The following BUB3 variants were observed in gnomAD, a reference collection of about 807,000 sequenced individuals.
BUB3 encodes BUB3 mitotic checkpoint protein, also known as mitotic checkpoint protein BUB3.
A neutral mutation model predicts 39.9 loss-of-function variants in BUB3; 22 were observed. That is an observed-to-expected ratio of 0.55 (90% CI 0.39 to 0.79). The LOEUF (loss-of-function observed/expected upper bound fraction) is 0.79. BUB3 is among the 30% of genes least tolerant of loss of function. The pLI, the probability that BUB3 is intolerant of heterozygous loss-of-function variation, is 0.00. For missense variants in BUB3, 303 were observed against 415.4 expected (o/e 0.73, Z 2.35); for synonymous variants, 168 against 155.1 (o/e 1.08, Z -0.62).
At chr10:123,154,812 G>T (rs942720353) in intron 1 of BUB3, 106 bp from the exon 2 acceptor site, 2 of 1,230,866 alleles carry the variant, frequency 1.6e-6, no homozygotes, top group African/African-American at 1.5e-5. Flanking sequence ...GTCTCCTCGC[G>T]GTCGTCCTCT....
rs1053658348 is a variant in BUB3 at position 123,163,983 on chromosome 10, A to T, written c.*148A>T. ...AAAATAATGGAAAAGAGGTTTTTGA[A>T]TTTTTTTTTTTAAATAAACACCTTC... On this transcript the variant is annotated 3_prime_UTR_variant, in exon 8 of 8. Transcript: ENST00000368865. 1.7e-6 allele frequency: 2 copies of T among 1,150,716 alleles called. No homozygotes were observed. The highest frequency in any genetic ancestry group is 3.4e-5 in the East Asian group (1 of 29,398). 71.3% of individuals were successfully genotyped at this position (1,150,716 alleles called of 1,614,324 possible).
rs1844506725 is a variant in BUB3 at position 123,167,518 on chromosome 10, C to CT, written c.*3688dup. ...ACTTAAAGCAAGAGCAGGACCACATCTTTTTGTATGCTCTGGCACATGACT... is the reference window on the plus strand; with the variant it reads ...ACTTAAAGCAAGAGCAGGACCACATCTTTTTTGTATGCTCTGGCACATGACT... On this transcript the variant is annotated 3_prime_UTR_variant, in exon 8 of 8. Coordinates refer to ENST00000368865, the MANE Select transcript of BUB3 (RefSeq NM_004725.4). 1 of 152,124 alleles carries CT rather than the reference C, an allele frequency of 6.6e-6. No individual in the cohort carries two copies. The allele number at this position is 152,124 out of a possible 1,614,324, so 9.4% of individuals were successfully genotyped here. A position where few individuals can be genotyped will look rare whatever the true frequency, so the allele number is the denominator to read the frequency against.
Position 123,164,866 on chromosome 10 carries a change from A to G in BUB3, c.*1031A>G. On this transcript the variant is annotated 3_prime_UTR_variant, in exon 8 of 8. Coordinates refer to ENST00000368865, the MANE Select transcript of BUB3 (RefSeq NM_004725.4). ...TTTGTTGTCAAACTTTAAAATTTATATTAATTTGCAAATGTATGTCTCTGA... is the reference window on the plus strand; with the variant it reads ...TTTGTTGTCAAACTTTAAAATTTATGTTAATTTGCAAATGTATGTCTCTGA... 9 of 1,361,606 alleles carry G rather than the reference A, an allele frequency of 6.6e-6. No homozygotes were observed. The highest frequency in any genetic ancestry group is 8.5e-6 in the Non-Finnish European group (9 of 1,058,462). 84.3% of individuals were successfully genotyped at this position (1,361,606 alleles called of 1,614,324 possible). A position where few individuals can be genotyped will look rare whatever the true frequency, so the allele number is the denominator to read the frequency against.
In BUB3 at chr10:123,165,838, G is replaced by C. The variant is rs1844485711; in HGVS notation, c.*2003G>C. 1 of 152,194 alleles carries C rather than the reference G, an allele frequency of 6.6e-6. No individual in the cohort carries two copies. Among genetic ancestry groups the C allele is most frequent in the South Asian group, 2.1e-4 (1 of 4,830 alleles). 9.4% of individuals were successfully genotyped at this position (152,194 alleles called of 1,614,324 possible). ...GGGAAGGTAAATAATGTAATAGCCA[G>C]GGACTGATGGTATTAGTTCTTTAGT... is the stretch of plus-strand genomic sequence containing the variant. On this transcript the variant is annotated 3_prime_UTR_variant, in exon 8 of 8. Transcript: ENST00000368865.
At chr10:123,157,289 T>C (rs1284811720) in intron 3 of BUB3, among the ~76,000 whole-genome samples, 2 of 152,252 alleles carry the variant, frequency 1.3e-5, no homozygotes, top group African/African-American at 2.4e-5. Context: ...TAAATGTTGT[T>C]GATCCAGAAG....
At chr10:123,155,250 TC>T in intron 2 of BUB3, 138 bp downstream of exon 2, 3 of 1,008,324 alleles carry the variant, frequency 3.0e-6, no homozygotes, top group Non-Finnish European at 4.2e-6. Flanking sequence ...TTCAGGAGCA[TC>T]TGCCTTGAAC....
chr10:123,157,558 T>C (rs916841839), intron 3 of BUB3, among the ~76,000 whole-genome samples, 171 bp from the exon 4 acceptor site: 6 of 152,236 alleles, frequency 3.9e-5, no homozygotes, highest in Admixed American at 3.9e-4. Context: ...AACGGATAAC[T>C]TTGTAGTCAT....
At position 123,164,491 on chromosome 10, in the gene BUB3, G is replaced by A; in HGVS notation, c.*656G>A. ...TGTGACTGTAAACAATTATTTATTAGCAAACAATTGATCCCAGAAGGGCAA... is the reference window on the plus strand; with the variant it reads ...TGTGACTGTAAACAATTATTTATTAACAAACAATTGATCCCAGAAGGGCAA... On this transcript the variant is annotated 3_prime_UTR_variant, in exon 8 of 8. Coordinates refer to ENST00000368865, the MANE Select transcript of BUB3 (RefSeq NM_004725.4). 1 of 985,568 alleles carries A rather than the reference G, an allele frequency of 1.0e-6. No homozygotes were observed. Among genetic ancestry groups the A allele is most frequent in the Non-Finnish European group, 1.2e-6 (1 of 830,062 alleles). 61.1% of individuals were successfully genotyped at this position (985,568 alleles called of 1,614,324 possible). A position where few individuals can be genotyped will look rare whatever the true frequency, so the allele number is the denominator to read the frequency against.
Position 123,165,302 on chromosome 10 carries a change from C to A in BUB3, c.*1467C>A, listed in dbSNP as rs927694682. On this transcript the variant is annotated 3_prime_UTR_variant, in exon 8 of 8. Coordinates refer to ENST00000368865, the MANE Select transcript of BUB3 (RefSeq NM_004725.4). ...TTGCTGTATCTGAACAGTTTGAGCTCTTTTTGTAATATACTCTAAACCTGT... is the reference window on the plus strand; with the variant it reads ...TTGCTGTATCTGAACAGTTTGAGCTATTTTTGTAATATACTCTAAACCTGT... The A allele has an allele frequency of 9.3e-6, 4 of 428,854 alleles. No individual in the cohort carries two copies. The highest frequency in any genetic ancestry group is 6.1e-4 in the Middle Eastern group (1 of 1,628). 26.6% of individuals were successfully genotyped at this position (428,854 alleles called of 1,614,324 possible). A position where few individuals can be genotyped will look rare whatever the true frequency, so the allele number is the denominator to read the frequency against.
rs936494359 is a variant in BUB3 at position 123,170,295 on chromosome 10, G to A, written c.*6460G>A. On this transcript the variant is annotated 3_prime_UTR_variant, in exon 8 of 8. Coordinates refer to ENST00000368865, the MANE Select transcript of BUB3 (RefSeq NM_004725.4). ...CATGATGTAGTTCTCAGATATATAC[G>A]GGATTTCTAGTTCTTAAATGCCAGT... is the stretch of plus-strand genomic sequence containing the variant. The A allele has an allele frequency of 1.3e-5, 2 of 151,862 alleles. No homozygotes were observed. Among genetic ancestry groups the A allele is most frequent in the Non-Finnish European group, 2.9e-5 (2 of 67,968 alleles). The allele number at this position is 151,862 out of a possible 1,614,324, so 9.4% of individuals were successfully genotyped here.
intron 4 of BUB3, 107 bp from the exon 5 acceptor site, chr10:123,160,298 AGT>A: frequency 1.0e-6 from 1 of 980,426 alleles, no homozygotes; most frequent in South Asian, 2.2e-5. Context: ...TGGGGAATTC[AGT>A]CAGCTAATTT....
intron 4 of BUB3, among the ~76,000 whole-genome samples, chr10:123,158,903 T>C (rs1844384730): frequency 6.6e-6 from 1 of 152,186 alleles, no homozygotes; most frequent in Non-Finnish European, 1.5e-5. Flanking sequence ...AGCATGACAG[T>C]GGTTTCACTT....
chr10:123,161,081 T>G (rs1844416986), intron 5 of BUB3, among the ~76,000 whole-genome samples: 1 of 152,270 alleles, frequency 6.6e-6, no homozygotes, highest in East Asian at 1.9e-4. Context: ...AGGGCCCCTC[T>G]TATGACTGAC....
chr10:123,154,580 T>G, intron 1 of BUB3, 95 bp downstream of exon 1: 1 of 208,082 alleles, frequency 4.8e-6, no homozygotes, highest in Non-Finnish European at 9.5e-6. Context: ...GGGGATCCCG[T>G]TTCGTTTCTG....
chr10:123,168,724 A>G lies in BUB3; in HGVS notation c.*4889A>G, dbSNP rs967480749. 1.7e-4 allele frequency: 26 copies of G among 151,906 alleles called. No individual in the cohort carries two copies. Among genetic ancestry groups the G allele is most frequent in the African/African-American group, 6.3e-4 (26 of 41,404 alleles). 9.4% of individuals were successfully genotyped at this position (151,906 alleles called of 1,614,324 possible). A position where few individuals can be genotyped will look rare whatever the true frequency, so the allele number is the denominator to read the frequency against. On this transcript the variant is annotated 3_prime_UTR_variant, in exon 8 of 8. Transcript: ENST00000368865. Reference sequence around the variant, plus strand: ...GCCATCACGCCCGGCTAATTTTTGTATTTCTTTTAGTAGAGACCGGGTTTC... The same window carrying G: ...GCCATCACGCCCGGCTAATTTTTGTGTTTCTTTTAGTAGAGACCGGGTTTC...
Position 123,165,478 on chromosome 10 carries a change from A to ACTCT in BUB3, c.*1645_*1648dup, listed in dbSNP as rs752632771. On this transcript the variant is annotated 3_prime_UTR_variant, in exon 8 of 8. Transcript: ENST00000368865. ...GGGATGACATTTTACCTTTAAGTCC[A>ACTCT]CTCTCCCTCGTTTAATTGTCTCCTC... The ACTCT allele has an allele frequency of 6.3e-5, 10 of 158,344 alleles. No homozygotes were observed. The highest frequency in any genetic ancestry group is 1.4e-4 in the Non-Finnish European group (10 of 72,248). The allele number at this position is 158,344 out of a possible 1,614,324, so 9.8% of individuals were successfully genotyped here.
At chr10:123,154,802 G>C in intron 1 of BUB3, 116 bp from the exon 2 acceptor site, 1 of 1,131,440 alleles carries the variant, frequency 8.8e-7, no homozygotes, top group African/African-American at 1.6e-5. Flanking sequence ...CAAGCGCAGA[G>C]TCTCCTCGCG....
At position 123,165,226 on chromosome 10, in the gene BUB3, C is replaced by T. The variant is rs1031266881; in HGVS notation, c.*1391C>T. ...TGTTTAGGATGAGGAGTCTTTGTGT[C>T]CCTGTACAGTAGTCTGACGTATTTC... On this transcript the variant is annotated 3_prime_UTR_variant, in exon 8 of 8. Transcript: ENST00000368865. 52 of 713,262 alleles carry T rather than the reference C, an allele frequency of 7.3e-5. 1 individual carries two copies. The highest frequency in any genetic ancestry group is 1.4e-5 in the Non-Finnish European group (6 of 434,380). The allele number at this position is 713,262 out of a possible 1,614,324, so 44.2% of individuals were successfully genotyped here.
chr10:123,156,837 C>T (rs1480405700), intron 3 of BUB3, among the ~76,000 whole-genome samples: 2 of 151,356 alleles, frequency 1.3e-5, no homozygotes, highest in Non-Finnish European at 2.9e-5. Context: ...GCCTCCGCCA[C>T]CCGCATTCAG....
Sources: allele counts gnomAD v4.1 joint callset (sites outside exome capture counted in the v4.1 genomes callset), GRCh38; gene constraint gnomAD v4.1.1; transcripts MANE v1.5; gene names NCBI Gene and HGNC (gene_info 2026-07-23, HGNC 2026-07-21).